The following VWA3B variants were observed in gnomAD, a reference collection of about 807,000 sequenced individuals.
VWA3B encodes von Willebrand factor A domain containing 3B.
In VWA3B, 138 loss-of-function variants were observed where a neutral mutation model predicts 158.3. That is an observed-to-expected ratio of 0.87 (90% CI 0.76 to 1.00). The LOEUF is 1.00. Among genes scored for constraint, VWA3B ranks in the 50% least tolerant of loss-of-function variants. VWA3B has a pLI of 0.00. For synonymous variants in VWA3B, 596 were observed against 587.3 expected, an observed-to-expected ratio of 1.01 and a Z score of -0.21; for missense variants, 1,555 against 1,565.1, an observed-to-expected ratio of 0.99 and a Z score of 0.11.
the VWA3B span, among the ~76,000 whole-genome samples, chr2:98,325,486 A>G: frequency 6.6e-6 from 1 of 152,258 alleles, no homozygotes. Context: ...AAAGTAAGCC[A>G]AAAGAATATA....
intron 20 of VWA3B, among the ~76,000 whole-genome samples, chr2:98,252,359 G>T (rs1686851640): frequency 6.6e-6 from 1 of 152,138 alleles, no homozygotes; most frequent in Admixed American, 6.5e-5. Flanking sequence ...CATTCAAAAT[G>T]CCATATAACA....
chr2:98,300,088 T>G lies in VWA3B; in HGVS notation c.3292T>G (p.Tyr1098Asp). The change falls in exon 25 of 28, where the codon TAT becomes GAT. Residue 1098 changes from tyrosine (Y) to aspartate (D), a missense_variant. Transcript: ENST00000477737. Reference protein sequence around the residue: ...MPCPLLQVGDYVFAKIVIPKG... With the variant: ...MPCPLLQVGDDVFAKIVIPKG... ...ATGTTCTCCTCTGCAGGTTGGAGATTATGTGTTTGCCAAAATTGTGATACC... is the reference window on the plus strand; with the variant it reads ...ATGTTCTCCTCTGCAGGTTGGAGATGATGTGTTTGCCAAAATTGTGATACC... 1 of 1,614,224 alleles carries G rather than the reference T, an allele frequency of 6.2e-7. No individual in the cohort carries two copies.
rs1302034902 is a variant in VWA3B, at chr2:98,255,180, A to ATTTTTT, written c.2793-943_2793-942insTTTTTT. On this transcript the variant is annotated intron_variant, in intron 20 of 27. Transcript: ENST00000477737. ...AGTCGCCCGCCACCACGCCCGGCTGATATTTTTTTTTTTTTTTTTTTTTTT... is the reference window on the plus strand; with the variant it reads ...AGTCGCCCGCCACCACGCCCGGCTGATTTTTTTATTTTTTTTTTTTTTTTTTTTTTT... Among the ~76,000 whole-genome samples the ATTTTTT allele has an allele frequency of 7.1e-3, 468 of 65,892 alleles. 51 individuals carry two copies. The highest frequency in any genetic ancestry group is 0.029 in the African/African-American group (439 of 15,240). 43.2% of individuals were successfully genotyped at this position (65,892 alleles called of 152,430 possible). A position where few individuals can be genotyped will look rare whatever the true frequency, so the allele number is the denominator to read the frequency against.
At chr2:98,214,570 C>G (rs1213407482) in intron 13 of VWA3B, among the ~76,000 whole-genome samples, 5 of 152,208 alleles carry the variant, frequency 3.3e-5, no homozygotes, top group South Asian at 4.1e-4. Flanking sequence ...TTCTGTTATA[C>G]AGCAAAAATG....
At position 98,247,186 on chromosome 2, in the gene VWA3B, C is replaced by T. The variant is rs558330354; in HGVS notation, c.2674-3132C>T. Among the ~76,000 whole-genome samples the T allele has an allele frequency of 1.8e-3, 279 of 151,854 alleles. 2 individuals are homozygous for T. The highest frequency in any genetic ancestry group is 6.4e-3 in the African/African-American group (265 of 41,380). On this transcript the variant is annotated intron_variant, in intron 19 of 27. Coordinates refer to ENST00000477737, the MANE Select transcript of VWA3B (RefSeq NM_144992.5). ...CTAATTTTTGTATTTTTAGTAGAGA[C>T]GGGGTTTCACCATGTTGGCCAGGCT...
Position 98,223,909 on chromosome 2 carries a change from G to A in VWA3B, c.2020-4293G>A, listed in dbSNP as rs181118969. Among the ~76,000 whole-genome samples, 523 of 151,784 alleles carry A rather than the reference G, an allele frequency of 3.4e-3. 2 individuals are homozygous for A. Among genetic ancestry groups the A allele is most frequent in the Non-Finnish European group, 6.2e-3 (422 of 67,912 alleles). On this transcript the variant is annotated intron_variant, in intron 14 of 27. Transcript: ENST00000477737. ...CCATGCGTGGCTAATTTTTTTATTT[G>A]TAGAGATAGGGTCACACTATGTCGC...
intron 21 of VWA3B, among the ~76,000 whole-genome samples, chr2:98,268,487 A>G (rs966397410): frequency 1.5e-4 from 23 of 152,076 alleles, no homozygotes; most frequent in Admixed American, 1.4e-3. Context: ...CAATTCACTT[A>G]TTGTATTCTT....
chr2:98,311,316 C>A (rs1690877329), intron 26 of VWA3B, among the ~76,000 whole-genome samples: 1 of 152,230 alleles, frequency 6.6e-6, no homozygotes, highest in Non-Finnish European at 1.5e-5. Context: ...TCTGTGACTT[C>A]ATAGTCATTC....
At chr2:98,199,752 A>G (rs1055567611) in intron 12 of VWA3B, among the ~76,000 whole-genome samples, 1 of 152,238 alleles carries the variant, frequency 6.6e-6, no homozygotes, top group African/African-American at 2.4e-5. Flanking sequence ...TACATCTTGA[A>G]AAGATAAACC....
chr2:98,180,352 T>C (rs567535302), intron 8 of VWA3B, among the ~76,000 whole-genome samples: 1 of 152,298 alleles, frequency 6.6e-6, no homozygotes, highest in African/African-American at 2.4e-5. Flanking sequence ...CCACCACACC[T>C]GGCTAATTTT....
At chr2:98,181,308 C>A in intron 9 of VWA3B, 96 bp downstream of exon 9, 1 of 1,357,490 alleles carries the variant, frequency 7.4e-7, no homozygotes, top group Non-Finnish European at 1.0e-6. Context: ...GAAGGGGCAG[C>A]AGGGAGAGAA....
At chr2:98,094,261 C>T (rs1682558021) in intron 2 of VWA3B, among the ~76,000 whole-genome samples, 1 of 152,178 alleles carries the variant, frequency 6.6e-6, no homozygotes, top group Non-Finnish European at 1.5e-5. Flanking sequence ...TTCCCACCAA[C>T]AGTGTGTGTG....
intron 7 of VWA3B, among the ~76,000 whole-genome samples, chr2:98,156,889 A>G (rs1161140730): frequency 6.6e-6 from 1 of 152,148 alleles, no homozygotes; most frequent in Non-Finnish European, 1.5e-5. Flanking sequence ...TTTATGGTCT[A>G]CTAGCCCCAT....
chr2:98,241,011 T>C (rs922309125), intron 19 of VWA3B, among the ~76,000 whole-genome samples: 5 of 152,092 alleles, frequency 3.3e-5, no homozygotes, highest in Admixed American at 6.5e-5. Context: ...ACCGACAGTC[T>C]CAGGAGGAAG....
In VWA3B at chr2:98,187,658, C is replaced by CTGTGTGTG. The variant is rs1389987333; in HGVS notation, c.1312-312_1312-311insGTGTGTGT. ...TCTCTCTCCCTCTCCCTCTCCGTCTCTGTGTCTGTGTGTGTGTGTGTGTGT... is the reference window on the plus strand; with the variant it reads ...TCTCTCTCCCTCTCCCTCTCCGTCTCTGTGTGTGTGTGTCTGTGTGTGTGTGTGTGTGT... On this transcript the variant is annotated intron_variant, in intron 9 of 27. Coordinates refer to ENST00000477737, the MANE Select transcript of VWA3B (RefSeq NM_144992.5). Among the ~76,000 whole-genome samples the CTGTGTGTG allele has an allele frequency of 1.3e-3, 138 of 109,908 alleles. 1 individual carries two copies. The highest frequency in any genetic ancestry group is 5.0e-3 in the African/African-American group (133 of 26,688). The allele number at this position is 109,908 out of a possible 152,430, so 72.1% of individuals were successfully genotyped here. A position where few individuals can be genotyped will look rare whatever the true frequency, so the allele number is the denominator to read the frequency against.
At chr2:98,164,819 A>G (rs1259512565) in intron 8 of VWA3B, among the ~76,000 whole-genome samples, 2 of 151,970 alleles carry the variant, frequency 1.3e-5, no homozygotes, top group Non-Finnish European at 2.9e-5. Flanking sequence ...AGACATTGAG[A>G]CTACACAAAA....
intron 6 of VWA3B, among the ~76,000 whole-genome samples, chr2:98,132,714 A>G (rs1286493522): frequency 5.9e-5 from 9 of 152,184 alleles, no homozygotes; most frequent in Admixed American, 5.2e-4. Context: ...CTTGCCCTAC[A>G]GGGCAAGGGA....
chr2:98,306,509 A>G (rs557328845), intron 26 of VWA3B, among the ~76,000 whole-genome samples: 1 of 152,108 alleles, frequency 6.6e-6, no homozygotes, highest in East Asian at 1.9e-4. Context: ...CTTTGTCTAG[A>G]TGGGTTGATA....
intron 5 of VWA3B, among the ~76,000 whole-genome samples, chr2:98,127,680 C>T (rs930063655): frequency 7.3e-5 from 11 of 151,316 alleles, no homozygotes; most frequent in African/African-American, 2.4e-4. Flanking sequence ...AAGCAGGGCA[C>T]TGCAGGCGGA....
Sources: gnomAD v4.1 joint callset for allele counts (sites outside exome capture counted in the v4.1 genomes callset) on GRCh38, gnomAD v4.1.1 for gene constraint, MANE v1.5 for transcripts, NCBI Gene and HGNC (gene_info 2026-07-23, HGNC 2026-07-21) for gene names.